SGK1: variants seen among roughly 807,000 people sequenced by gnomAD.
SGK1 encodes the protein serine/threonine-protein kinase Sgk1.
In SGK1, 26 loss-of-function variants were observed where a neutral mutation model predicts 64.2. The observed-to-expected ratio is 0.40, with a 90% confidence interval of 0.30 to 0.56. SGK1 has a LOEUF of 0.56. Among genes scored for constraint, SGK1 ranks in the 20% least tolerant of loss-of-function variants. The pLI is 0.38. For missense variants in SGK1, 519 were observed against 645.6 expected, an observed-to-expected ratio of 0.80 and a Z score of 2.12; for synonymous variants, 265 against 239.7, an observed-to-expected ratio of 1.11 and a Z score of -0.98.
At chr6:134,207,018 G>A (rs1262803864) in intron 3 of SGK1, among the ~76,000 whole-genome samples, 1 of 152,130 alleles carries the variant, frequency 6.6e-6, no homozygotes, top group Non-Finnish European at 1.5e-5. Flanking sequence ...AAGGTCAGGA[G>A]ATCGAGACCA....
At position 134,248,693 on chromosome 6, in the gene SGK1, T is replaced by C. The variant is rs908984671; in HGVS notation, c.285+13240A>G. ...TCTCAAACTACCTGCCTCGGCCTTA[T>C]TTACAGGTTTTGTCTCCTCATATAC... On this transcript the variant is annotated intron_variant, in intron 2 of 13. Transcript: ENST00000367858. 3.3e-5 allele frequency among the ~76,000 whole-genome samples: 5 copies of C among 152,142 alleles called. No individual in the cohort carries two copies. The South Asian group carries it at 1.0e-3, about 32-fold the overall frequency.
chr6:134,293,522 C>A (rs1253483610), intron 1 of SGK1, among the ~76,000 whole-genome samples: 1 of 151,912 alleles, frequency 6.6e-6, no homozygotes, highest in East Asian at 1.9e-4. Flanking sequence ...AACCTTTAAA[C>A]CTCAAGATTT....
At chr6:134,290,440 AC>A (rs78689392) in intron 1 of SGK1, among the ~76,000 whole-genome samples, 9,251 of 150,080 alleles carry the variant, frequency 0.062, 376 homozygotes, top group Non-Finnish European at 0.089. Flanking sequence ...AAAAAAAAAA[AC>A]AAAGACAAAT....
At chr6:134,207,952 C>T (rs1219703769) in intron 2 of SGK1, among the ~76,000 whole-genome samples, 2 of 152,184 alleles carry the variant, frequency 1.3e-5, no homozygotes, top group East Asian at 1.9e-4. Flanking sequence ...TATTCTGTTG[C>T]TCAGGTTGGA....
chr6:134,299,289 A>G (rs1237978489), intron 1 of SGK1, among the ~76,000 whole-genome samples: 1 of 151,756 alleles, frequency 6.6e-6, no homozygotes, highest in Non-Finnish European at 1.5e-5. Flanking sequence ...CGCTTGAGCC[A>G]GTGAGGTCGA....
At chr6:134,303,794 A>G (rs6909375) in intron 1 of SGK1, among the ~76,000 whole-genome samples, 4 of 150,470 alleles carry the variant, frequency 2.7e-5, no homozygotes, top group East Asian at 1.9e-4. Flanking sequence ...CAAGAAAAAA[A>G]AAAAGAAAAG....
intron 1 of SGK1, among the ~76,000 whole-genome samples, chr6:134,291,277 A>C (rs563987748): frequency 6.6e-6 from 1 of 152,258 alleles, no homozygotes; most frequent in East Asian, 1.9e-4. Context: ...TTAGTTACAC[A>C]CTTAAAATAA....
intron 3 of SGK1, chr6:134,175,794 T>C: frequency 1.5e-6 from 2 of 1,322,046 alleles, no homozygotes; most frequent in South Asian, 3.8e-5. Context: ...ATGGCCCTTG[T>C]GCACGGTCGG....
At chr6:134,172,426 T>C (rs549432124) in intron 9 of SGK1, 110 bp from the exon 10 acceptor site, 52 of 1,100,350 alleles carry the variant, frequency 4.7e-5, no homozygotes, top group African/African-American at 4.2e-4. Context: ...TTCACTGTAG[T>C]TGTGTAGTGA....
At chr6:134,217,959 C>T (rs574717683) in intron 2 of SGK1, among the ~76,000 whole-genome samples, 4 of 152,318 alleles carry the variant, frequency 2.6e-5, no homozygotes, top group Non-Finnish European at 4.4e-5. Context: ...ACCCACTTCA[C>T]TTATTTATGT....
chr6:134,259,033 T>C (rs1325244274), intron 2 of SGK1, among the ~76,000 whole-genome samples: 1 of 152,182 alleles, frequency 6.6e-6, no homozygotes, highest in Non-Finnish European at 1.5e-5. Context: ...TGATTTGTGA[T>C]AACCTTAGGA....
At chr6:134,267,494 T>C (rs1224577578) in intron 1 of SGK1, among the ~76,000 whole-genome samples, 1 of 152,060 alleles carries the variant, frequency 6.6e-6, no homozygotes, top group Non-Finnish European at 1.5e-5. Context: ...TGTCTCATTA[T>C]GTTGCCCAGG....
chr6:134,177,223 AACAAACAAAAACAAAAC>A (rs1562241355), intron 3 of SGK1, among the ~76,000 whole-genome samples: 1 of 109,602 alleles, frequency 9.1e-6, no homozygotes, highest in Non-Finnish European at 2.0e-5. Context: ...AAAACAAACA[AACAAACAAAAACAAAAC>A]AAAAACAAAA....
intron 2 of SGK1, among the ~76,000 whole-genome samples, chr6:134,218,334 A>G (rs1776019981): frequency 6.6e-6 from 1 of 152,162 alleles, no homozygotes; most frequent in Non-Finnish European, 1.5e-5. Flanking sequence ...TTTGTGGATA[A>G]CTTATTATAC....
intron 2 of SGK1, among the ~76,000 whole-genome samples, chr6:134,254,127 T>TTTTA (rs1562265566): frequency 5.4e-5 from 7 of 128,452 alleles, no homozygotes; most frequent in Admixed American, 1.6e-4. Context: ...TTTTTTTTTT[T>TTTTA]CAAAAAAAAA....
At chr6:134,287,030 G>T (rs1339010675) in intron 1 of SGK1, among the ~76,000 whole-genome samples, 1 of 152,038 alleles carries the variant, frequency 6.6e-6, no homozygotes, top group Non-Finnish European at 1.5e-5. Context: ...GTGTCACAGT[G>T]GTACCATCTT....
intron 2 of SGK1, among the ~76,000 whole-genome samples, chr6:134,247,271 A>C (rs545893052): frequency 6.6e-6 from 1 of 152,264 alleles, no homozygotes; most frequent in African/African-American, 2.4e-5. Context: ...AGAGGGGGAA[A>C]ATCCCTCTTT....
intron 2 of SGK1, among the ~76,000 whole-genome samples, chr6:134,208,586 C>T (rs779267410): frequency 3.3e-5 from 5 of 152,014 alleles, no homozygotes; most frequent in Admixed American, 6.6e-5. Context: ...TATGCCTTTG[C>T]GTCCTCATGG....
chr6:134,297,282 T>C (rs1425354009), intron 1 of SGK1: 3 of 1,271,990 alleles, frequency 2.4e-6, no homozygotes, highest in Admixed American at 3.4e-5. Context: ...CAGGGCCAGC[T>C]TGACGTTCAT....
Sources: allele counts gnomAD v4.1 joint callset (sites outside exome capture counted in the v4.1 genomes callset), GRCh38; gene constraint gnomAD v4.1.1; transcripts MANE v1.5; gene names NCBI Gene and HGNC (gene_info 2026-07-23, HGNC 2026-07-21).